The following EVI5 variants were observed in gnomAD, a reference collection of about 807,000 sequenced individuals.
The protein encoded by EVI5 is ecotropic viral integration site 5.
In EVI5, 73 loss-of-function variants were observed where a neutral mutation model predicts 112.0. The observed-to-expected ratio is 0.65, with a 90% confidence interval of 0.54 to 0.79. EVI5 has a LOEUF of 0.79. EVI5 is among the 30% of genes least tolerant of loss of function. The pLI, the probability that EVI5 is intolerant of heterozygous loss-of-function variation, is 0.00. For synonymous variants in EVI5, 305 were observed against 319.9 expected (o/e 0.95, Z 0.50); for missense variants, 900 against 968.8 (o/e 0.93, Z 0.94).
At chr1:92,555,050 C>A (rs1316532175) in intron 19 of EVI5, among the ~76,000 whole-genome samples, 1 of 152,110 alleles carries the variant, frequency 6.6e-6, no homozygotes, top group Non-Finnish European at 1.5e-5. Context: ...GATTAAAAAG[C>A]AGTGTATGCA....
intron 11 of EVI5, 92 bp from the exon 12 acceptor site, chr1:92,663,544 C>A (rs1366703207): frequency 5.2e-6 from 3 of 581,194 alleles, no homozygotes; most frequent in South Asian, 2.7e-5. Flanking sequence ...CAAATTCCAT[C>A]TACTTTTCAT....
intron 19 of EVI5, 96 bp downstream of exon 19, chr1:92,563,546 G>T: frequency 3.5e-6 from 2 of 576,112 alleles, no homozygotes; most frequent in Non-Finnish European, 6.2e-6. Context: ...AAGATATTCA[G>T]CATGAAAGTG....
chr1:92,745,883 T>TC lies in EVI5; in HGVS notation c.-81-9257dup, dbSNP rs201885837. Reference sequence around the variant, plus strand: ...ACCATTCATTACTCTTCATGAATCTTCTTGATGACCTGAAAACAAAATTGG... The same window carrying TC: ...ACCATTCATTACTCTTCATGAATCTTCCTTGATGACCTGAAAACAAAATTGG... On this transcript the variant is annotated intron_variant, in intron 1 of 19. Coordinates refer to ENST00000684568, the MANE Select transcript of EVI5 (RefSeq NM_001350197.2). Among the ~76,000 whole-genome samples, 895 of 152,368 alleles carry TC rather than the reference T, an allele frequency of 5.9e-3. 9 individuals are homozygous for TC. Among genetic ancestry groups the TC allele is most frequent in the African/African-American group, 0.019 (797 of 41,584 alleles).
chr1:92,704,619 A>G lies in EVI5; in HGVS notation c.275T>C (p.Ile92Thr), dbSNP rs1671697141. 1 of 1,601,232 alleles carries G rather than the reference A, an allele frequency of 6.2e-7. No homozygotes were observed. The highest frequency in any genetic ancestry group is 8.5e-7 in the Non-Finnish European group (1 of 1,173,424). ...NLSHLEEDSW[I>T]LWGRIVNEWE... The stretch of plus-strand genomic sequence containing the variant: ...TTCATTAACAATTCTTCCCCAAAGA[A>G]TCCAAGAATCTTCTTCAAGGTGACT... Residue 92 changes from isoleucine (I) to threonine (T), a missense_variant, in exon 3 of 20, where the codon ATT becomes ACT. By Grantham distance (89) the Ile-to-Thr change is moderately conservative. Transcript: ENST00000684568.
At chr1:92,604,453 C>A (rs933460692) in intron 18 of EVI5, among the ~76,000 whole-genome samples, 2 of 152,140 alleles carry the variant, frequency 1.3e-5, no homozygotes, top group African/African-American at 4.8e-5. Flanking sequence ...TCAACCTCCA[C>A]ATCTTGTCCC....
At chr1:92,756,634 T>G in intron 1 of EVI5, 1 of 505,128 alleles carries the variant, frequency 2.0e-6, no homozygotes, top group South Asian at 1.5e-5. Flanking sequence ...CTAGACAGTC[T>G]CCCAGCCCTC....
At chr1:92,640,309 G>A (rs1388973782) in intron 13 of EVI5, among the ~76,000 whole-genome samples, 2 of 152,182 alleles carry the variant, frequency 1.3e-5, no homozygotes, top group African/African-American at 4.8e-5. Flanking sequence ...ACTATCATCA[G>A]AGTGAACAGT....
At chr1:92,701,344 C>T (rs1004377420) in intron 5 of EVI5, among the ~76,000 whole-genome samples, 1 of 152,118 alleles carries the variant, frequency 6.6e-6, no homozygotes, top group African/African-American at 2.4e-5. Context: ...CTCAAATAAC[C>T]CTCACAACTA....
intron 16 of EVI5, chr1:92,622,389 T>C: frequency 2.5e-6 from 1 of 399,458 alleles, no homozygotes; most frequent in Non-Finnish European, 4.9e-6. Context: ...GGTAAGAACC[T>C]TTGTACTTAA....
chr1:92,762,899 A>G (rs370304701), intron 1 of EVI5, among the ~76,000 whole-genome samples: 1 of 152,150 alleles, frequency 6.6e-6, no homozygotes, highest in Non-Finnish European at 1.5e-5. Context: ...GGCTACACTA[A>G]AAGTCCAGAC....
intron 2 of EVI5, among the ~76,000 whole-genome samples, chr1:92,736,139 C>A (rs1677391603): frequency 6.6e-6 from 1 of 151,788 alleles, no homozygotes; most frequent in Non-Finnish European, 1.5e-5. Flanking sequence ...GTTTCATTTA[C>A]TTTTTAAAAA....
chr1:92,538,383 C>T (rs1361368325), intron 19 of EVI5, among the ~76,000 whole-genome samples: 1 of 152,178 alleles, frequency 6.6e-6, no homozygotes, highest in Non-Finnish European at 1.5e-5. Flanking sequence ...ATTTAACCTT[C>T]AGCAAAATGA....
At chr1:92,714,073 G>GA (rs1031551155) in intron 2 of EVI5, 65 of 980,926 alleles carry the variant, frequency 6.6e-5, no homozygotes, top group East Asian at 1.1e-4. Context: ...ACACAAGGGG[G>GA]AAAAAAAACT....
In EVI5 at chr1:92,563,623, A is replaced by G. The variant is rs527348440; in HGVS notation, c.2166+19T>C. 8 of 1,347,976 alleles carry G rather than the reference A, an allele frequency of 5.9e-6. No individual in the cohort carries two copies. The highest frequency in any genetic ancestry group is 8.4e-6 in the Non-Finnish European group (8 of 951,542). The allele number at this position is 1,347,976 out of a possible 1,614,324, so 83.5% of individuals were successfully genotyped here. A position where few individuals can be genotyped will look rare whatever the true frequency, so the allele number is the denominator to read the frequency against. On this transcript the variant is annotated intron_variant, in intron 19 of 19. Transcript: ENST00000684568. The stretch of plus-strand genomic sequence containing the variant: ...GGAAGGAAGAAAGCAATATGTGAAG[A>G]TCAAAATTTATCACTTACCTCATGA...
intron 14 of EVI5, among the ~76,000 whole-genome samples, chr1:92,633,586 T>C (rs1277824661): frequency 6.6e-6 from 1 of 152,194 alleles, no homozygotes; most frequent in Non-Finnish European, 1.5e-5. Flanking sequence ...GAGATGGGTT[T>C]CCTGAATACA....
chr1:92,550,782 ATATATATATATAT>A (rs1479137026), intron 19 of EVI5, among the ~76,000 whole-genome samples: 1 of 11,464 alleles, frequency 8.7e-5, no homozygotes. Flanking sequence ...AAAAAAAAAA[ATATATATATATAT>A]ATATATATAT....
At chr1:92,657,880 A>T (rs944254041) in intron 13 of EVI5, among the ~76,000 whole-genome samples, 2 of 152,136 alleles carry the variant, frequency 1.3e-5, no homozygotes, top group African/African-American at 4.8e-5. Flanking sequence ...TGGGAGCAAG[A>T]GAGTAGGGGA....
intron 14 of EVI5, among the ~76,000 whole-genome samples, chr1:92,628,100 A>G (rs545068543): frequency 1.7e-3 from 263 of 151,968 alleles, no homozygotes; most frequent in African/African-American, 6.1e-3. Flanking sequence ...TGTTTAGTAC[A>G]TTTTCATGTT....
intron 13 of EVI5, among the ~76,000 whole-genome samples, chr1:92,652,333 G>A (rs532301526): frequency 5.5e-4 from 84 of 152,248 alleles, no homozygotes; most frequent in African/African-American, 1.6e-3. Context: ...AGAGGTTACC[G>A]GAGGCTGGGA....
Sources: allele counts gnomAD v4.1 joint callset (sites outside exome capture counted in the v4.1 genomes callset), GRCh38; gene constraint gnomAD v4.1.1; transcripts MANE v1.5; gene names NCBI Gene and HGNC (gene_info 2026-07-23, HGNC 2026-07-21).